The following MTM1 variants were observed in gnomAD, a reference collection of about 807,000 sequenced individuals.
The protein encoded by MTM1 is myotubularin.
A neutral mutation model predicts 52.1 loss-of-function variants in MTM1; 9 were observed. The observed-to-expected ratio is 0.17, with a 90% CI of 0.10 to 0.30. MTM1 has a LOEUF of 0.30. Ranked by LOEUF, MTM1 falls within the 10% of genes least tolerant of loss-of-function variation. MTM1 has a pLI of 1.00. For synonymous variants in MTM1, 136 were observed against 163.8 expected (o/e 0.83, Z 1.29); for missense variants, 277 against 470.7 (o/e 0.59, Z 3.81).
intron 14 of MTM1, among the ~76,000 whole-genome samples, chrX:150,670,197 T>C (rs959671133): frequency 5.3e-5 from 6 of 112,535 alleles, no homozygotes; most frequent in Non-Finnish European, 1.1e-4. Flanking sequence ...GTGTGGTTTA[T>C]ATCTCAGTAC....
At chrX:150,598,819 T>G in intron 4 of MTM1, 133 bp downstream of exon 4, 1 of 469,733 alleles carries the variant, frequency 2.1e-6, no homozygotes, top group Non-Finnish European at 3.7e-6. Context: ...CTCTTAATTT[T>G]TTGCTTATGC....
At chrX:150,611,614 C>T (rs2039279682) in intron 4 of MTM1, among the ~76,000 whole-genome samples, 1 of 112,091 alleles carries the variant, frequency 8.9e-6, no homozygotes, top group Non-Finnish European at 1.9e-5. Flanking sequence ...AGTGGATTGG[C>T]ACAACTAGAC....
At chrX:150,618,730 G>A (rs1557413190) in intron 5 of MTM1, among the ~76,000 whole-genome samples, 1 of 111,715 alleles carries the variant, frequency 9.0e-6, no homozygotes. Context: ...ATGGATCATC[G>A]TAGATGTTGT....
chrX:150,615,185 A>G (rs782116604), intron 5 of MTM1, among the ~76,000 whole-genome samples: 12 of 111,688 alleles, frequency 1.1e-4, no homozygotes, highest in Non-Finnish European at 2.1e-4. Context: ...TGTCCATCCA[A>G]ACACATGCTA....
chrX:150,671,388 C>T lies in MTM1; in HGVS notation c.1645-40C>T, dbSNP rs374611353. ...GGAACACGTGAGTTCTCATGACGTGCGTGGCATAAAGTGTAACTCAAGTCT... is the reference window on the plus strand; with the variant it reads ...GGAACACGTGAGTTCTCATGACGTGTGTGGCATAAAGTGTAACTCAAGTCT... On this transcript the variant is annotated intron_variant, in intron 14 of 14. Coordinates refer to ENST00000370396, the MANE Select transcript of MTM1 (RefSeq NM_000252.3). 180 of 1,201,650 alleles carry T rather than the reference C, an allele frequency of 1.5e-4. 4 individuals are homozygous for T. The East Asian group carries it at 3.3e-3, about 22-fold the overall frequency.
chrX:150,564,380 T>TTTATTA (rs1175557401), upstream of MTM1, among the ~76,000 whole-genome samples: 2 of 110,845 alleles, frequency 1.8e-5, no homozygotes, highest in Non-Finnish European at 3.8e-5. Context: ...TTTACTATTT[T>TTTATTA]TTATTATTAT....
chrX:150,585,259 C>T (rs1330307102), intron 1 of MTM1, among the ~76,000 whole-genome samples: 1 of 111,581 alleles, frequency 9.0e-6, no homozygotes, highest in African/African-American at 3.3e-5. Context: ...ACCTTTTCTC[C>T]TCTCTTCAGT....
intron 1 of MTM1, among the ~76,000 whole-genome samples, chrX:150,580,574 C>T (rs1603096148): frequency 9.1e-6 from 1 of 109,812 alleles, no homozygotes; most frequent in Non-Finnish European, 1.9e-5. Flanking sequence ...TCTGTGAAAC[C>T]TTGTCTGCCA....
At chrX:150,607,132 C>T (rs2039183084) in intron 4 of MTM1, among the ~76,000 whole-genome samples, 1 of 108,668 alleles carries the variant, frequency 9.2e-6, no homozygotes, top group Admixed American at 9.8e-5. Flanking sequence ...GGATTACAGA[C>T]ATGTACCACC....
intron 10 of MTM1, among the ~76,000 whole-genome samples, chrX:150,652,658 TAC>T (rs377592464): frequency 0.17 from 13,945 of 82,235 alleles, 1,138 homozygotes; most frequent in South Asian, 0.37. Flanking sequence ...TATATATATA[TAC>T]ACACACACAC....
At chrX:150,578,632 G>T (rs1557411733) in intron 1 of MTM1, among the ~76,000 whole-genome samples, 1 of 111,561 alleles carries the variant, frequency 9.0e-6, no homozygotes, top group African/African-American at 3.3e-5. Context: ...TCATTTGTGG[G>T]AAAAGGCCCA....
At chrX:150,650,856 C>T (rs782451077) in intron 10 of MTM1, among the ~76,000 whole-genome samples, 1 of 112,137 alleles carries the variant, frequency 8.9e-6, no homozygotes, top group Non-Finnish European at 1.9e-5. Context: ...CTGACAGCCA[C>T]ACCCCTGTTC....
chrX:150,566,706 CCA>C (rs1250558344), upstream of MTM1, among the ~76,000 whole-genome samples: 5 of 110,917 alleles, frequency 4.5e-5, no homozygotes, highest in East Asian at 1.4e-3. Context: ...CTCCTAACCC[CCA>C]GCTCCTCCCA....
At chrX:150,643,259 T>C (rs1438592487) in intron 8 of MTM1, among the ~76,000 whole-genome samples, 5 of 111,957 alleles carry the variant, frequency 4.5e-5, no homozygotes, top group South Asian at 3.8e-4. Flanking sequence ...TTATTTTGCA[T>C]GTAAATAAGA....
At chrX:150,577,485 G>A (rs1362836240) in intron 1 of MTM1, among the ~76,000 whole-genome samples, 1 of 112,395 alleles carries the variant, frequency 8.9e-6, no homozygotes, top group African/African-American at 3.2e-5. Flanking sequence ...GGTGTATAAT[G>A]GTATCTCATT....
chrX:150,659,618 T>C, intron 11 of MTM1, 46 bp from the exon 12 acceptor site: 1 of 1,055,183 alleles, frequency 9.5e-7, no homozygotes, highest in Non-Finnish European at 1.3e-6. Flanking sequence ...CTTTCTCAGT[T>C]TTGTACCCAT....
rs782221604 is a variant in MTM1, at chrX:150,623,398, G to T, written c.444+4259G>T. On this transcript the variant is annotated intron_variant, in intron 6 of 14. Coordinates refer to ENST00000370396, the MANE Select transcript of MTM1 (RefSeq NM_000252.3). ...CTGGCATACGTTTTTGTTTTTTGGGGTTTTTTTTCTTTTTGAGCCTTTATA... is the reference window on the plus strand; with the variant it reads ...CTGGCATACGTTTTTGTTTTTTGGGTTTTTTTTTCTTTTTGAGCCTTTATA... Among the ~76,000 whole-genome samples, 548 of 109,700 alleles carry T rather than the reference G, an allele frequency of 5.0e-3. 2 individuals are homozygous for T. The highest frequency in any genetic ancestry group is 0.017 in the African/African-American group (512 of 30,074).
chrX:150,606,665 G>A (rs1263814180), intron 4 of MTM1, among the ~76,000 whole-genome samples: 2 of 111,389 alleles, frequency 1.8e-5, no homozygotes, highest in Admixed American at 1.9e-4. Flanking sequence ...ATTTTCCAAA[G>A]TGAATCCCAT....
intron 14 of MTM1, among the ~76,000 whole-genome samples, chrX:150,670,826 G>A (rs1412595327): frequency 8.1e-5 from 9 of 111,645 alleles, no homozygotes; most frequent in African/African-American, 2.6e-4. Flanking sequence ...ACACACTACC[G>A]AGGAGCCCTG....
Sources: allele counts gnomAD v4.1 joint callset (sites outside exome capture counted in the v4.1 genomes callset), GRCh38; gene constraint gnomAD v4.1.1; transcripts MANE v1.5; gene names NCBI Gene and HGNC (gene_info 2026-07-23, HGNC 2026-07-21).